CREBZF: variants seen among roughly 807,000 people sequenced by gnomAD.
CREBZF encodes CREB/ATF bZIP transcription factor.
In CREBZF, 8 loss-of-function variants were observed where a neutral mutation model predicts 21.1. The ratio of observed to expected loss-of-function variants is 0.38; its 90% CI spans 0.22 to 0.68. The LOEUF (loss-of-function observed/expected upper bound fraction) is 0.68. CREBZF is among the 30% of genes least tolerant of loss of function. The pLI is 0.51. For synonymous variants in CREBZF, 270 were observed against 223.3 expected, an observed-to-expected ratio of 1.21 and a Z score of -1.86; for missense variants, 518 against 484.3, an observed-to-expected ratio of 1.07 and a Z score of -0.65.
rs756281035 is a variant in CREBZF at position 85,663,804 on chromosome 11, C to T, written c.*7G>A. 5 of 1,592,542 alleles carry T rather than the reference C, an allele frequency of 3.1e-6. No homozygotes were observed. The highest frequency in any genetic ancestry group is 4.3e-6 in the Non-Finnish European group (5 of 1,171,970). ...GTAAACGCGGATAAAGAGCAGATTA[C>T]TTGACCCTACATTTTAAGAGAAGAC... On this transcript the variant is annotated 3_prime_UTR_variant, in exon 1 of 1. Transcript: ENST00000527447.
At chr11:85,671,747 C>T (rs537284293) in intron 1 of CREBZF, among the ~76,000 whole-genome samples, 10 of 152,374 alleles carry the variant, frequency 6.6e-5, no homozygotes, top group East Asian at 1.9e-4. Context: ...TGGGTTCCCA[C>T]GGTCTTGGGC....
Position 85,664,342 on chromosome 11 carries a change from G to A in CREBZF, c.534C>T (p.Asp178=). 1 of 1,612,874 alleles carries A rather than the reference G, an allele frequency of 6.2e-7. No individual in the cohort carries two copies. ...NGIGGCSSSS[D]SGSAEKRRRK... ...TCCGCCTCTTTTCGGCGCTGCCACTGTCACTGCTGCTGCTGCAGCCTCCGA... is the reference window on the plus strand; with the variant it reads ...TCCGCCTCTTTTCGGCGCTGCCACTATCACTGCTGCTGCTGCAGCCTCCGA... The change falls in exon 1 of 1, where the codon GAC becomes GAT. Residue 178 remains aspartate (D), a synonymous_variant. Coordinates refer to ENST00000527447, the MANE Select transcript of CREBZF (RefSeq NM_001039618.4). The surrounding 1 kb of genome is among the most constrained non-coding windows in gnomAD (Gnocchi z 5.5).
In CREBZF at chr11:85,665,003, G is replaced by T; in HGVS notation, c.-128C>A. The T allele has an allele frequency of 1.7e-6, 1 of 602,588 alleles. No homozygotes were observed. Among genetic ancestry groups the T allele is most frequent in the Non-Finnish European group, 2.5e-6 (1 of 392,250 alleles). The allele number at this position is 602,588 out of a possible 1,614,324, so 37.3% of individuals were successfully genotyped here. A position where few individuals can be genotyped will look rare whatever the true frequency, so the allele number is the denominator to read the frequency against. On this transcript the variant is annotated 5_prime_UTR_variant, in exon 1 of 1. Coordinates refer to ENST00000527447, the MANE Select transcript of CREBZF (RefSeq NM_001039618.4). ...AAACGAAATGCAGGGAAAGGTCCGA[G>T]TCGCCTCCCGCCTCACTTGGCTAGT...
rs745508301 is a variant in CREBZF, at chr11:85,664,231, C to T, written c.645G>A (p.Ala215=). 2 of 1,612,354 alleles carry T rather than the reference C, an allele frequency of 1.2e-6. No homozygotes were observed. The highest frequency in any genetic ancestry group is 1.7e-6 in the Non-Finnish European group (2 of 1,179,750). The stretch of plus-strand genomic sequence containing the variant: ...TCAGTCGATTAAGGCGGGCAGCGGC[C>T]GCCGCCGCCTTCCGGGGACTCTTTG... ...AATKSPRKAA[A]AAARLNRLKK... The change falls in exon 1 of 1, where the codon GCG becomes GCA. Residue 215 remains alanine (A), a synonymous_variant. Transcript: ENST00000527447. The surrounding 1 kb of genome is among the most constrained non-coding windows in gnomAD (Gnocchi z 5.5).
rs1167771242 is a variant in CREBZF at position 85,664,251 on chromosome 11, T to C, written c.625A>G (p.Ser209Gly). 6 of 1,612,438 alleles carry C rather than the reference T, an allele frequency of 3.7e-6. No individual in the cohort carries two copies. The Admixed American group carries it at 6.7e-5, about 18-fold the overall frequency. ...GNDNNQAATK[S>G]PRKAAAAAAR... ...GCGGCCGCCGCCGCCTTCCGGGGAC[T>C]CTTTGTCGCCGCCTGGTTGTTGTCG... Residue 209 changes from serine (S) to glycine (G), a missense_variant, in exon 1 of 1, where the codon AGT (serine) becomes GGT (glycine). Coordinates refer to ENST00000527447, the MANE Select transcript of CREBZF (RefSeq NM_001039618.4). This position sits in a 1 kb window ranked among gnomAD's most constrained non-coding sequence, Gnocchi z 5.5.
chr11:85,659,181 G>A lies in CREBZF; in HGVS notation c.*4630C>T, dbSNP rs2082604355. Among the ~76,000 whole-genome samples, 2 of 151,932 alleles carry A rather than the reference G, an allele frequency of 1.3e-5. No individual in the cohort carries two copies. Among genetic ancestry groups the A allele is most frequent in the South Asian group, 4.1e-4 (2 of 4,826 alleles). On this transcript the variant is annotated 3_prime_UTR_variant, in exon 1 of 1. Coordinates refer to ENST00000527447, the MANE Select transcript of CREBZF (RefSeq NM_001039618.4). Reference sequence around the variant, plus strand: ...CTTTGTATTGGCTGTGAGTCTGGGGGAAAAAAACATAAATGTCATACTACC... The same window carrying A: ...CTTTGTATTGGCTGTGAGTCTGGGGAAAAAAAACATAAATGTCATACTACC...
intron 1 of CREBZF, among the ~76,000 whole-genome samples, chr11:85,678,130 T>C (rs2082953117): frequency 1.3e-5 from 2 of 152,382 alleles, no homozygotes; most frequent in South Asian, 4.1e-4. Context: ...CTTGTCTATT[T>C]GACAGAATTC....
Position 85,659,056 on chromosome 11 carries a change from A to G in CREBZF, c.*4755T>C, listed in dbSNP as rs2082598495. 6.6e-6 allele frequency among the ~76,000 whole-genome samples: 1 copy of G among 152,076 alleles called. No individual in the cohort carries two copies. The highest frequency in any genetic ancestry group is 1.9e-4 in the East Asian group (1 of 5,204). On this transcript the variant is annotated 3_prime_UTR_variant, in exon 1 of 1. Coordinates refer to ENST00000527447, the MANE Select transcript of CREBZF (RefSeq NM_001039618.4). ...TGGCCACACAACACTACAAATTTCT[A>G]ATGGAAGAATTCCCTTTTTGATCCG...
At chr11:85,673,035 C>G (rs888859055) in intron 1 of CREBZF, among the ~76,000 whole-genome samples, 13 of 152,332 alleles carry the variant, frequency 8.5e-5, no homozygotes, top group South Asian at 2.1e-4. Context: ...TTTGCACCTT[C>G]CAAATATGGC....
chr11:85,664,462 A>C lies in CREBZF; in HGVS notation c.414T>G (p.Asp138Glu). Residue 138 changes from aspartate to glutamate, a missense_variant, in exon 1 of 1, where the codon GAT becomes GAG. Around this residue, in one of 3 missense-constraint regions of CREBZF, gnomAD observed 396 missense variants for 324.4 expected, o/e 1.22. Coordinates refer to ENST00000527447, the MANE Select transcript of CREBZF (RefSeq NM_001039618.4). This position sits in a 1 kb window ranked among gnomAD's most constrained non-coding sequence, Gnocchi z 5.5. The part of the protein sequence containing the change: ...GPLSSSGGGS[D>E]SGGLWRGDDD... Reference sequence around the variant, plus strand: ...CGTCCCCTCTCCACAGGCCGCCGCTATCCGAGCCTCCGCCAGACGAGGAGA... The same window carrying C: ...CGTCCCCTCTCCACAGGCCGCCGCTCTCCGAGCCTCCGCCAGACGAGGAGA... 1 of 1,613,568 alleles carries C rather than the reference A, an allele frequency of 6.2e-7. No individual in the cohort carries two copies. Among genetic ancestry groups the C allele is most frequent in the Non-Finnish European group, 8.5e-7 (1 of 1,179,924 alleles).
chr11:85,668,341 T>A (rs1006905475), upstream of CREBZF, among the ~76,000 whole-genome samples: 1 of 152,248 alleles, frequency 6.6e-6, no homozygotes, highest in Non-Finnish European at 1.5e-5. Flanking sequence ...AAACTTTACC[T>A]AGTTTTTATG....
At chr11:85,669,237 C>G (rs1323387252), upstream of CREBZF, among the ~76,000 whole-genome samples, 1 of 151,888 alleles carries the variant, frequency 6.6e-6, no homozygotes, top group African/African-American at 2.4e-5. Flanking sequence ...CTTTATAACC[C>G]TGTACATTGG....
upstream of CREBZF, among the ~76,000 whole-genome samples, chr11:85,669,878 G>C (rs2082899976): frequency 1.3e-5 from 2 of 152,174 alleles, no homozygotes; most frequent in Non-Finnish European, 2.9e-5. Context: ...CACAATCTCA[G>C]CTCACTGCAA....
At position 85,672,123 on chromosome 11, in the gene CREBZF, C is replaced by T. The variant is rs1048752803; in HGVS notation, n.148-8522G>A. Among the ~76,000 whole-genome samples, 7 of 152,262 alleles carry T rather than the reference C, an allele frequency of 4.6e-5. No individual in the cohort carries two copies. The South Asian group carries it at 6.2e-4, about 14-fold the overall frequency. On this transcript the variant is annotated intron_variant and non_coding_transcript_variant, in intron 1 of 3. Transcript: ENST00000531515. Reference sequence around the variant, plus strand: ...CTGTGCACCCACAGGCTCAATATCACGTGGAAGCCGCCAAGGCTTGGGGCT... The same window carrying T: ...CTGTGCACCCACAGGCTCAATATCATGTGGAAGCCGCCAAGGCTTGGGGCT...
At chr11:85,676,488 T>C (rs1472574682) in intron 1 of CREBZF, among the ~76,000 whole-genome samples, 1 of 152,226 alleles carries the variant, frequency 6.6e-6, no homozygotes, top group Non-Finnish European at 1.5e-5. Context: ...AGAATCCTTA[T>C]AGACCCATCG....
Position 85,663,717 on chromosome 11 carries a change from ATG to A in CREBZF, c.*92_*93del. 1 of 1,599,506 alleles carries A rather than the reference ATG, an allele frequency of 6.3e-7. No individual in the cohort carries two copies. The highest frequency in any genetic ancestry group is 1.1e-5 in the South Asian group (1 of 88,322). On this transcript the variant is annotated 3_prime_UTR_variant, in exon 1 of 1. Coordinates refer to ENST00000527447, the MANE Select transcript of CREBZF (RefSeq NM_001039618.4). ...TATTACTTTTTTTCTCTCCTCTGAA[ATG>A]TGTCCGGTGAAGATGTCCCACTAAG...
At position 85,665,044 on chromosome 11, in the gene CREBZF, A is replaced by T. The variant is rs2082833382; in HGVS notation, c.-169T>A. 8.9e-6 allele frequency: 4 copies of T among 449,790 alleles called. No homozygotes were observed. The Admixed American group carries it at 1.2e-4, about 14-fold the overall frequency. The allele number at this position is 449,790 out of a possible 1,614,324, so 27.9% of individuals were successfully genotyped here. A position where few individuals can be genotyped will look rare whatever the true frequency, so the allele number is the denominator to read the frequency against. On this transcript the variant is annotated 5_prime_UTR_variant, in exon 1 of 1. It adds an upstream start codon to the 5' untranslated region. Transcript: ENST00000527447. ...CTTGGCTAGTCGACCCCCCGCGCCA[A>T]GGCGCGGGGAGGGACGGGAGAACGA...
Position 85,663,907 on chromosome 11 carries a change from C to T in CREBZF, c.969G>A (p.Ser323=). 1.2e-6 allele frequency: 2 copies of T among 1,613,588 alleles called. No homozygotes were observed. Among genetic ancestry groups the T allele is most frequent in the Non-Finnish European group, 1.7e-6 (2 of 1,180,022 alleles). Residue 323 remains serine, a synonymous_variant, in exon 1 of 1, where the codon TCG becomes TCA. Coordinates refer to ENST00000527447, the MANE Select transcript of CREBZF (RefSeq NM_001039618.4). The stretch of plus-strand genomic sequence containing the variant: ...CCACATGGAGACAGACTCCTCCCGC[C>T]GAGTCGTCCTCTTCCAGCAGGTCCT... ...QKQDLLEEDD[S]AGGVCLHVDK...
At chr11:85,669,470 G>C (rs2082897138), upstream of CREBZF, among the ~76,000 whole-genome samples, 1 of 151,584 alleles carries the variant, frequency 6.6e-6, no homozygotes, top group Admixed American at 6.6e-5. Context: ...GCTAGATCTT[G>C]TTATAAGCAT....
Sources: allele counts gnomAD v4.1 joint callset (sites outside exome capture counted in the v4.1 genomes callset), GRCh38; gene constraint gnomAD v4.1.1; regional missense constraint gnomAD v4.1.1; non-coding constraint Gnocchi (gnomAD v3.1); transcripts MANE v1.5; gene names NCBI Gene and HGNC (gene_info 2026-07-23, HGNC 2026-07-21).